The following PIK3C2G variants were observed in gnomAD, a reference collection of about 807,000 sequenced individuals.
PIK3C2G encodes phosphatidylinositol-4-phosphate 3-kinase catalytic subunit type 2 gamma.
A neutral mutation model predicts 181.1 loss-of-function variants in PIK3C2G; 168 were observed. The ratio of observed to expected loss-of-function variants is 0.93; its 90% CI spans 0.82 to 1.05. PIK3C2G has a LOEUF of 1.05. Ranked by LOEUF, PIK3C2G falls within the 50% of genes least tolerant of loss-of-function variation. The probability of loss-of-function intolerance (pLI) is 0.00; values close to 1 mark genes in which losing one functional copy is unlikely to be tolerated. For missense variants in PIK3C2G, 1,869 were observed against 1,732.8 expected, an observed-to-expected ratio of 1.08 and a Z score of -1.40; for synonymous variants, 573 against 592.2, an observed-to-expected ratio of 0.97 and a Z score of 0.47.
At chr12:18,527,029 G>GA (rs1336793328) in intron 24 of PIK3C2G, among the ~76,000 whole-genome samples, 5 of 152,102 alleles carry the variant, frequency 3.3e-5, no homozygotes, top group Non-Finnish European at 7.4e-5. Flanking sequence ...ACTGAGAAGG[G>GA]AAAAATGTTT....
At chr12:18,249,166 A>G (rs1948071551) in intron 1 of PIK3C2G, among the ~76,000 whole-genome samples, 1 of 152,162 alleles carries the variant, frequency 6.6e-6, no homozygotes, top group East Asian at 1.9e-4. Flanking sequence ...ACCCTTACTC[A>G]AGAAAAGATG....
chr12:18,250,834 T>C (rs1323305405), intron 1 of PIK3C2G, among the ~76,000 whole-genome samples: 1 of 152,056 alleles, frequency 6.6e-6, no homozygotes, highest in Admixed American at 6.5e-5. Flanking sequence ...AATTTATCTA[T>C]AAATGCATTT....
At chr12:18,284,646 T>G (rs1435264871) in intron 2 of PIK3C2G, among the ~76,000 whole-genome samples, 10 of 152,036 alleles carry the variant, frequency 6.6e-5, no homozygotes, top group Non-Finnish European at 1.5e-5. Flanking sequence ...GCTAGCCTAG[T>G]GATGATCTCA....
chr12:18,386,091 C>T (rs1943150176), intron 14 of PIK3C2G, among the ~76,000 whole-genome samples: 1 of 152,094 alleles, frequency 6.6e-6, no homozygotes, highest in Non-Finnish European at 1.5e-5. Context: ...AACCAAACCC[C>T]CTCCTCCTCT....
the PIK3C2G span, among the ~76,000 whole-genome samples, chr12:18,686,652 T>G: frequency 8.5e-5 from 13 of 152,214 alleles, no homozygotes; most frequent in Admixed American, 3.3e-4. Context: ...AAGTGCCCCC[T>G]TGGAGTACAA....
At chr12:18,422,072 C>T (rs903170549) in intron 17 of PIK3C2G, among the ~76,000 whole-genome samples, 2 of 152,008 alleles carry the variant, frequency 1.3e-5, no homozygotes, top group African/African-American at 2.4e-5. Flanking sequence ...CAGGAGAATA[C>T]GTTTTCACAA....
chr12:18,482,159 G>GC lies in PIK3C2G; in HGVS notation c.2505-6284dup, dbSNP rs1430020563. On this transcript the variant is annotated intron_variant, in intron 18 of 32. Coordinates refer to ENST00000538779, the MANE Select transcript of PIK3C2G (RefSeq NM_001288772.2). The stretch of plus-strand genomic sequence containing the variant: ...GATACCTCACCCACCCCATCCACCC[G>GC]CCCCCCGCCACCCTCGCACCCCTAG... 3.2e-4 allele frequency among the ~76,000 whole-genome samples: 6 copies of GC among 18,512 alleles called. No individual in the cohort carries two copies. In the South Asian group the frequency reaches 8.9e-3, roughly 28 times the overall value. 12.1% of individuals were successfully genotyped at this position (18,512 alleles called of 152,430 possible). A position where few individuals can be genotyped will look rare whatever the true frequency, so the allele number is the denominator to read the frequency against.
intron 28 of PIK3C2G, among the ~76,000 whole-genome samples, chr12:18,564,966 T>C (rs1019258604): frequency 1.3e-5 from 2 of 152,212 alleles, no homozygotes; most frequent in Non-Finnish European, 2.9e-5. Context: ...AATTGGCCTC[T>C]TTTCAGTTTT....
intron 18 of PIK3C2G, among the ~76,000 whole-genome samples, chr12:18,464,579 G>A (rs548013849): frequency 6.6e-6 from 1 of 152,088 alleles, no homozygotes; most frequent in South Asian, 2.1e-4. Flanking sequence ...TTTCTCATCA[G>A]AAGAAGAAAT....
At chr12:18,360,727 C>T (rs1224181810) in intron 11 of PIK3C2G, among the ~76,000 whole-genome samples, 1 of 152,134 alleles carries the variant, frequency 6.6e-6, no homozygotes, top group Admixed American at 6.5e-5. Context: ...CTGAAAAATA[C>T]ACTAATAATC....
At chr12:18,438,860 T>C (rs1049478987) in intron 18 of PIK3C2G, among the ~76,000 whole-genome samples, 4 of 151,896 alleles carry the variant, frequency 2.6e-5, no homozygotes, top group South Asian at 4.1e-4. Context: ...AGAAATACAA[T>C]TGGGCTTAAC....
chr12:18,658,457 G>A, the PIK3C2G span, among the ~76,000 whole-genome samples: 490 of 152,228 alleles, frequency 3.2e-3, 1 homozygote, highest in African/African-American at 0.011. Flanking sequence ...AAGTCATTAT[G>A]CACAAGAAAT....
At chr12:18,563,076 A>G (rs1592592638) in intron 27 of PIK3C2G, among the ~76,000 whole-genome samples, 184 bp downstream of exon 27, 1 of 152,234 alleles carries the variant, frequency 6.6e-6, no homozygotes, top group South Asian at 2.1e-4. Context: ...CAACAAGACT[A>G]TGAGTAGAGA....
intron 1 of PIK3C2G, among the ~76,000 whole-genome samples, chr12:18,254,922 A>G (rs1948128964): frequency 6.6e-6 from 1 of 151,498 alleles, no homozygotes; most frequent in South Asian, 2.1e-4. Context: ...TTAAAAAAAG[A>G]AAGAGGCCTG....
intron 18 of PIK3C2G, among the ~76,000 whole-genome samples, chr12:18,449,470 A>G (rs1281696602): frequency 1.1e-4 from 17 of 151,846 alleles, no homozygotes; most frequent in African/African-American, 4.1e-4. Context: ...ACCCCACAAC[A>G]GGCCCCAATG....
At chr12:18,392,734 C>A (rs1943613956) in intron 15 of PIK3C2G, among the ~76,000 whole-genome samples, 1 of 151,976 alleles carries the variant, frequency 6.6e-6, no homozygotes, top group Non-Finnish European at 1.5e-5. Context: ...CATTAATTTG[C>A]AAGAACTGGA....
intron 15 of PIK3C2G, among the ~76,000 whole-genome samples, chr12:18,393,306 C>A (rs1026268039): frequency 6.6e-6 from 1 of 152,014 alleles, no homozygotes; most frequent in Non-Finnish European, 1.5e-5. Flanking sequence ...CAGTGTGGTG[C>A]AGTTTTATTC....
intron 31 of PIK3C2G, among the ~76,000 whole-genome samples, 156 bp downstream of exon 31, chr12:18,609,785 G>T (rs1182723496): frequency 6.6e-6 from 1 of 152,010 alleles, no homozygotes; most frequent in Non-Finnish European, 1.5e-5. Context: ...TTTGCCTCGG[G>T]ATGATTGTGA....
At chr12:18,579,625 T>G (rs1946395360) in intron 29 of PIK3C2G, among the ~76,000 whole-genome samples, 1 of 152,168 alleles carries the variant, frequency 6.6e-6, no homozygotes, top group Admixed American at 6.5e-5. Flanking sequence ...CCTCTTCTGA[T>G]GGAGTTGATC....
Sources: allele counts gnomAD v4.1 joint callset (sites outside exome capture counted in the v4.1 genomes callset), GRCh38; gene constraint gnomAD v4.1.1; transcripts MANE v1.5; gene names NCBI Gene and HGNC (gene_info 2026-07-23, HGNC 2026-07-21).